The following RANGAP1 variants were observed in gnomAD, a reference collection of about 807,000 sequenced individuals.
RANGAP1 encodes Ran GTPase activating protein 1, also known as ran GTPase-activating protein 1.
A neutral mutation model predicts 63.5 loss-of-function variants in RANGAP1; 38 were observed. That is an observed-to-expected ratio of 0.60 (90% CI 0.46 to 0.78). The LOEUF is 0.78. Ranked by LOEUF, RANGAP1 falls within the 30% of genes least tolerant of loss-of-function variation. The pLI is 0.00. For missense variants in RANGAP1, 630 were observed against 740.3 expected (o/e 0.85, Z 1.73); for synonymous variants, 329 against 310.5 (o/e 1.06, Z -0.63).
chr22:41,300,849 G>T, the RANGAP1 span, among the ~76,000 whole-genome samples: 1 of 151,430 alleles, frequency 6.6e-6, no homozygotes, highest in Non-Finnish European at 1.5e-5. Context: ...CCTGCCTTCA[G>T]CAAGAATCTT....
intron 11 of RANGAP1, 200 bp from the exon 12 acceptor site, chr22:41,253,191 TC>T: frequency 1.9e-6 from 1 of 524,844 alleles, no homozygotes; most frequent in Non-Finnish European, 2.8e-6. Context: ...TGGCTCTTGG[TC>T]CAGGAGCCTT....
intron 3 of RANGAP1, among the ~76,000 whole-genome samples, chr22:41,272,053 C>T (rs916629563): frequency 6.6e-6 from 1 of 152,216 alleles, no homozygotes; most frequent in Non-Finnish European, 1.5e-5. Context: ...AGGGCTCTAT[C>T]TCCTATTTCA....
intron 1 of RANGAP1, chr22:41,281,632 G>C (rs549040684): frequency 9.1e-6 from 9 of 986,722 alleles, no homozygotes; most frequent in Admixed American, 6.1e-5. Context: ...AACCGTGGCC[G>C]GGAGACTGGG....
intron 3 of RANGAP1, 149 bp downstream of exon 3, chr22:41,274,451 G>A: frequency 1.7e-6 from 2 of 1,188,060 alleles, no homozygotes; most frequent in Non-Finnish European, 2.3e-6. Context: ...AATGCTGTGT[G>A]CCCTGGGGAG....
At chr22:41,299,174 C>G in the RANGAP1 span, among the ~76,000 whole-genome samples, 10 of 152,004 alleles carry the variant, frequency 6.6e-5, no homozygotes, top group African/African-American at 2.4e-4. Context: ...GCTCTGTCGC[C>G]CAGGCTGGAA....
At chr22:41,282,678 G>A (rs1409606696) in intron 1 of RANGAP1, among the ~76,000 whole-genome samples, 8 of 152,152 alleles carry the variant, frequency 5.3e-5, no homozygotes, top group Non-Finnish European at 1.2e-4. Context: ...GCCTGCTCAT[G>A]GTACTCCAGC....
rs2035499400 is a variant in RANGAP1, at chr22:41,281,692, A to C, written c.-38-610T>G. 4 of 941,868 alleles carry C rather than the reference A, an allele frequency of 4.2e-6. No homozygotes were observed. The South Asian group carries it at 2.0e-4, about 46-fold the overall frequency. The allele number at this position is 941,868 out of a possible 1,614,324, so 58.3% of individuals were successfully genotyped here. ...TTTCTAGATCAGAGATCGCCACATC[A>C]CAACAGCTACCATCATAATAGGACA... On this transcript the variant is annotated intron_variant, in intron 1 of 15. Transcript: ENST00000356244.
intron 3 of RANGAP1, among the ~76,000 whole-genome samples, chr22:41,269,699 G>A (rs927330060): frequency 1.0e-4 from 15 of 143,750 alleles, no homozygotes; most frequent in African/African-American, 3.4e-4. Flanking sequence ...CTGAAATTGC[G>A]CCACTACACA....
chr22:41,280,140 T>G (rs1333386314), intron 2 of RANGAP1, among the ~76,000 whole-genome samples: 2 of 151,602 alleles, frequency 1.3e-5, no homozygotes, highest in Non-Finnish European at 2.9e-5. Context: ...CTATAAACGT[T>G]AGACCTTATG....
At chr22:41,275,498 A>C (rs1226839420) in intron 2 of RANGAP1, among the ~76,000 whole-genome samples, 1 of 151,904 alleles carries the variant, frequency 6.6e-6, no homozygotes, top group Admixed American at 6.6e-5. Context: ...TCTTAAAAAA[A>C]AGTCAGGCAT....
rs564310207 is a variant in RANGAP1, at chr22:41,249,454, G to A, written c.1573-3C>T. 4.3e-5 allele frequency: 69 copies of A among 1,613,646 alleles called. No individual in the cohort carries two copies. Among genetic ancestry groups the A allele is most frequent in the Non-Finnish European group, 5.7e-5 (67 of 1,179,974 alleles). ...ATGGCCTTGACCTTGTCTTCACTCTGAGAGGAACACAGCGAAAAGCGGGGT... is the reference window on the plus strand; with the variant it reads ...ATGGCCTTGACCTTGTCTTCACTCTAAGAGGAACACAGCGAAAAGCGGGGT... On this transcript the variant is annotated splice_polypyrimidine_tract_variant and splice_region_variant and intron_variant, in intron 14 of 15. Coordinates refer to ENST00000356244, the MANE Select transcript of RANGAP1 (RefSeq NM_002883.4).
Position 41,273,722 on chromosome 22 carries a change from G to A in RANGAP1, c.240+878C>T, listed in dbSNP as rs749756025. Among the ~76,000 whole-genome samples the A allele has an allele frequency of 1.1e-4, 13 of 123,542 alleles. 1 individual carries two copies. Among genetic ancestry groups the A allele is most frequent in the Non-Finnish European group, 1.9e-4 (12 of 63,326 alleles). The allele number at this position is 123,542 out of a possible 152,430, so 81.0% of individuals were successfully genotyped here. ...GTGGAGGTTGCAGCAAGCCAAGATC[G>A]CACCACTGCACACCAGCCCGGGTGA... On this transcript the variant is annotated intron_variant, in intron 3 of 15. Coordinates refer to ENST00000356244, the MANE Select transcript of RANGAP1 (RefSeq NM_002883.4).
chr22:41,271,672 G>A (rs2034837181), intron 3 of RANGAP1, among the ~76,000 whole-genome samples: 1 of 149,988 alleles, frequency 6.7e-6, no homozygotes, highest in Non-Finnish European at 1.5e-5. Flanking sequence ...CCAGCCTGGG[G>A]ACAGAGCGAG....
In RANGAP1 at chr22:41,252,946, T is replaced by G; in HGVS notation, c.1306A>C (p.Thr436Pro). The G allele has an allele frequency of 6.5e-7, 1 of 1,547,836 alleles. No individual in the cohort carries two copies. The highest frequency in any genetic ancestry group is 2.0e-5 in the Admixed American group (1 of 49,020). ...LSSPPPADVS[T>P]FLAFPSPEKL... The stretch of plus-strand genomic sequence containing the variant: ...TCTGGAGAGGGAAAAGCCAGGAAGG[T>G]GGAGACGTCTGCAGGAGGTGGGGAG... The change falls in exon 12 of 16, where the codon ACC (threonine) becomes CCC (proline). Residue 436 changes from threonine to proline, a missense_variant. By Grantham distance (38) the Thr-to-Pro change is conservative. Coordinates refer to ENST00000356244, the MANE Select transcript of RANGAP1 (RefSeq NM_002883.4).
At chr22:41,253,256 G>A (rs182400455) in intron 11 of RANGAP1, among the ~76,000 whole-genome samples, 52 of 152,322 alleles carry the variant, frequency 3.4e-4, no homozygotes, top group Non-Finnish European at 4.0e-4. Flanking sequence ...CTACGGCCAA[G>A]TGGATCCTCG....
Position 41,252,973 on chromosome 22 carries a change from A to T in RANGAP1, c.1279T>A (p.Ser427Thr). The T allele has an allele frequency of 6.6e-7, 1 of 1,523,766 alleles. No individual in the cohort carries two copies. Among genetic ancestry groups the T allele is most frequent in the Non-Finnish European group, 8.8e-7 (1 of 1,138,726 alleles). The allele number at this position is 1,523,766 out of a possible 1,614,324, so 94.4% of individuals were successfully genotyped here. ...GAGACGTCTGCAGGAGGTGGGGAGGACAGCACGGGAGCTGGCTCCTGGGAA... is the reference window on the plus strand; with the variant it reads ...GAGACGTCTGCAGGAGGTGGGGAGGTCAGCACGGGAGCTGGCTCCTGGGAA... ...PNTGEPAPVL[S>T]SPPPADVSTF... Residue 427 changes from serine to threonine, a missense_variant, in exon 12 of 16, where the codon TCC becomes ACC. Ser to Thr is a moderately conservative substitution (Grantham distance 58). Coordinates refer to ENST00000356244, the MANE Select transcript of RANGAP1 (RefSeq NM_002883.4).
chr22:41,253,043 C>T (rs146254801), intron 11 of RANGAP1, 52 bp from the exon 12 acceptor site: 349 of 1,374,652 alleles, frequency 2.5e-4, no homozygotes, highest in Non-Finnish European at 2.9e-4. Flanking sequence ...CCAGACTCCC[C>T]GACACAGCTG....
In RANGAP1 at chr22:41,265,181, G is replaced by A. The variant is rs572589585; in HGVS notation, c.301-338C>T. Among the ~76,000 whole-genome samples the A allele has an allele frequency of 4.6e-5, 7 of 152,344 alleles. 1 individual carries two copies. In the South Asian group the frequency reaches 1.5e-3, roughly 32 times the overall value. On this transcript the variant is annotated intron_variant, in intron 4 of 15. Coordinates refer to ENST00000356244, the MANE Select transcript of RANGAP1 (RefSeq NM_002883.4). ...GAGAGACATAAGCATGAAGCAGCAG[G>A]CTGTGAGCCTGGAGGAAAGCTGTGG...
At chr22:41,279,729 G>A (rs1601711980) in intron 2 of RANGAP1, among the ~76,000 whole-genome samples, 1 of 151,382 alleles carries the variant, frequency 6.6e-6, no homozygotes, top group East Asian at 1.9e-4. Context: ...TTGAACCTGG[G>A]AGACAGAAGT....
Sources: gnomAD v4.1 joint callset for allele counts (sites outside exome capture counted in the v4.1 genomes callset) on GRCh38, gnomAD v4.1.1 for gene constraint, MANE v1.5 for transcripts, NCBI Gene and HGNC (gene_info 2026-07-23, HGNC 2026-07-21) for gene names.